The following ALG6 variants were observed in gnomAD, a reference collection of about 807,000 sequenced individuals.
The protein encoded by ALG6 is dolichyl pyrophosphate Man9GlcNAc2 alpha-1,3-glucosyltransferase.
A neutral mutation model predicts 66.6 loss-of-function variants in ALG6; 46 were observed. The observed-to-expected ratio is 0.69, with a 90% confidence interval of 0.55 to 0.88. ALG6 has a LOEUF of 0.88. Among genes scored for constraint, ALG6 ranks in the 40% least tolerant of loss-of-function variants. ALG6 has a pLI of 0.00. For missense variants in ALG6, 505 were observed against 586.8 expected, an observed-to-expected ratio of 0.86 and a Z score of 1.44; for synonymous variants, 185 against 203.7, an observed-to-expected ratio of 0.91 and a Z score of 0.78.
intron 2 of ALG6, among the ~76,000 whole-genome samples, chr1:63,384,447 G>A (rs1261182165): frequency 6.6e-6 from 1 of 151,936 alleles, no homozygotes; most frequent in South Asian, 2.1e-4. Context: ...TGTGGGTTCT[G>A]TCTTTGTTGA....
chr1:63,382,725 G>T (rs1326618234), intron 2 of ALG6, among the ~76,000 whole-genome samples: 7 of 149,196 alleles, frequency 4.7e-5, no homozygotes, highest in South Asian at 2.1e-4. Flanking sequence ...GCCCAGGCTG[G>T]AGTGCAGTAG....
At chr1:63,377,470 G>A (rs1648171399) in intron 2 of ALG6, among the ~76,000 whole-genome samples, 1 of 151,838 alleles carries the variant, frequency 6.6e-6, no homozygotes, top group Non-Finnish European at 1.5e-5. Flanking sequence ...CTTCTCTATT[G>A]GTTTGAAAGC....
At chr1:63,400,022 C>T (rs1644438616) in intron 3 of ALG6, among the ~76,000 whole-genome samples, 1 of 149,884 alleles carries the variant, frequency 6.7e-6, no homozygotes, top group East Asian at 2.0e-4. Context: ...TGGAGAAACC[C>T]CATCTCTACT....
chr1:63,407,242 CTA>C, intron 7 of ALG6, 116 bp downstream of exon 7: 2 of 735,058 alleles, frequency 2.7e-6, no homozygotes, highest in Non-Finnish European at 4.8e-6. Context: ...CTTATATAAA[CTA>C]TTTCACAATA....
At chr1:63,416,956 G>A (rs1383139977) in intron 11 of ALG6, among the ~76,000 whole-genome samples, 13 of 152,294 alleles carry the variant, frequency 8.5e-5, no homozygotes, top group South Asian at 6.2e-4. Context: ...ATGTAAGTAC[G>A]TTGGATAAAA....
rs1184838587 is a variant in ALG6, at chr1:63,374,262, A to G, written c.82+3203A>G. Among the ~76,000 whole-genome samples, 5 of 152,190 alleles carry G rather than the reference A, an allele frequency of 3.3e-5. No individual in the cohort carries two copies. In the East Asian group the frequency reaches 9.6e-4, roughly 29 times the overall value. ...TCAAATCTTAGCTCTTTCACCTGTT[A>G]GTTGCCTGATCTTGGGGAATTTATT... On this transcript the variant is annotated intron_variant, in intron 2 of 14. Transcript: ENST00000263440.
intron 11 of ALG6, among the ~76,000 whole-genome samples, chr1:63,418,782 T>G (rs1171204135): frequency 6.6e-6 from 1 of 152,146 alleles, no homozygotes; most frequent in Non-Finnish European, 1.5e-5. Flanking sequence ...ATTTAGGAGG[T>G]GCTGTAGATA....
intron 2 of ALG6, among the ~76,000 whole-genome samples, chr1:63,389,531 T>C (rs1055230526): frequency 2.0e-5 from 3 of 152,232 alleles, no homozygotes; most frequent in Non-Finnish European, 4.4e-5. Context: ...TTTTGAATGC[T>C]CTGTTTGAAA....
rs535302333 is a variant in ALG6, at chr1:63,396,617, T to G, written c.167+20T>G. 5.7e-6 allele frequency: 9 copies of G among 1,584,764 alleles called. No homozygotes were observed. The South Asian group carries it at 9.9e-5, about 18-fold the overall frequency. On this transcript the variant is annotated intron_variant, in intron 3 of 14. Transcript: ENST00000263440. The stretch of plus-strand genomic sequence containing the variant: ...ACAATGGTATGATAATTTTAACTTG[T>G]TTTTCTTGTTTATCATAGTTAATAC...
chr1:63,436,228 T>C (rs942226327), intron 14 of ALG6, among the ~76,000 whole-genome samples: 3 of 152,214 alleles, frequency 2.0e-5, no homozygotes, highest in African/African-American at 7.2e-5. Flanking sequence ...CATTTATTCA[T>C]TCATGTAATG....
chr1:63,392,036 G>T (rs1648687484), intron 2 of ALG6, among the ~76,000 whole-genome samples: 1 of 152,100 alleles, frequency 6.6e-6, no homozygotes, highest in South Asian at 2.1e-4. Flanking sequence ...TTTCCCCAAA[G>T]CTGCATTGGC....
chr1:63,423,854 C>T (rs1408198257), intron 12 of ALG6, among the ~76,000 whole-genome samples: 2 of 152,198 alleles, frequency 1.3e-5, no homozygotes, highest in East Asian at 3.8e-4. Context: ...TGCTGAGTCA[C>T]ATGGCAATTC....
intron 2 of ALG6, among the ~76,000 whole-genome samples, chr1:63,393,361 T>C (rs1648727297): frequency 6.6e-6 from 1 of 152,200 alleles, no homozygotes; most frequent in African/African-American, 2.4e-5. Context: ...ACTATATGCC[T>C]AGCAATGTTT....
chr1:63,410,508 G>A (rs752552304), intron 7 of ALG6, among the ~76,000 whole-genome samples: 33 of 152,072 alleles, frequency 2.2e-4, no homozygotes, highest in Non-Finnish European at 4.1e-4. Context: ...TCCTGCCTTG[G>A]CCTTCCAAAG....
At chr1:63,393,903 C>T (rs1046814291) in intron 2 of ALG6, among the ~76,000 whole-genome samples, 1 of 152,084 alleles carries the variant, frequency 6.6e-6, no homozygotes, top group Non-Finnish European at 1.5e-5. Flanking sequence ...GAATAGAAAA[C>T]TTATTAAGTT....
chr1:63,378,654 A>C (rs757312377), intron 2 of ALG6, among the ~76,000 whole-genome samples: 1 of 152,162 alleles, frequency 6.6e-6, no homozygotes, highest in African/African-American at 2.4e-5. Flanking sequence ...CATTGACTTT[A>C]TAGTTCTCAG....
intron 12 of ALG6, among the ~76,000 whole-genome samples, chr1:63,422,374 T>G (rs1426158526): frequency 2.7e-5 from 3 of 112,056 alleles, no homozygotes; most frequent in African/African-American, 1.1e-4. Context: ...TAAATATATA[T>G]AAGTATAAAT....
At position 63,423,989 on chromosome 1, in the gene ALG6, C is replaced by T. The variant is rs188022372; in HGVS notation, c.1058+4549C>T. ...CTTGATAGCACTTGTTATTTTCCATCATTTTGATTATAGCCATGCTAGTGG... is the reference window on the plus strand; with the variant it reads ...CTTGATAGCACTTGTTATTTTCCATTATTTTGATTATAGCCATGCTAGTGG... On this transcript the variant is annotated intron_variant, in intron 12 of 14. Transcript: ENST00000263440. Among the ~76,000 whole-genome samples the T allele has an allele frequency of 4.5e-3, 681 of 152,302 alleles. 6 individuals are homozygous for T. Among genetic ancestry groups the T allele is most frequent in the African/African-American group, 0.015 (627 of 41,566 alleles).
chr1:63,401,845 GAT>G (rs1460705447), intron 3 of ALG6, among the ~76,000 whole-genome samples: 1 of 152,174 alleles, frequency 6.6e-6, no homozygotes, highest in Non-Finnish European at 1.5e-5. Context: ...CTCGAGTCAT[GAT>G]AGTTGTATAT....
Sources: gnomAD v4.1 joint callset for allele counts (sites outside exome capture counted in the v4.1 genomes callset) on GRCh38, gnomAD v4.1.1 for gene constraint, MANE v1.5 for transcripts, NCBI Gene and HGNC (gene_info 2026-07-23, HGNC 2026-07-21) for gene names.